Variants in PACRG observed in about 807,000 individuals in gnomAD.
PACRG encodes parkin coregulated, also known as parkin coregulated gene protein.
Under a neutral mutation model 29.7 loss-of-function variants are expected in PACRG, and 29 were observed. The observed-to-expected ratio is 0.98, with a 90% CI of 0.73 to 1.33. The LOEUF (loss-of-function observed/expected upper bound fraction) is 1.33. Among genes scored for constraint, PACRG ranks in the 40% most tolerant of loss-of-function variants. The pLI is 0.00. For synonymous variants in PACRG, 116 were observed against 118.7 expected (o/e 0.98, Z 0.15); for missense variants, 279 against 316.2 (o/e 0.88, Z 0.89).
chr6:162,989,722 C>CTTTT (rs66497763), intron 2 of PACRG, among the ~76,000 whole-genome samples: 1 of 142,040 alleles, frequency 7.0e-6, no homozygotes. Context: ...TCAGTACTTC[C>CTTTT]TTTTTTTTTT....
At chr6:162,935,900 A>G (rs1562752550) in intron 2 of PACRG, among the ~76,000 whole-genome samples, 1 of 152,208 alleles carries the variant, frequency 6.6e-6, no homozygotes, top group Non-Finnish European at 1.5e-5. Flanking sequence ...GCAAAATGAA[A>G]CATACTTCAA....
At chr6:163,247,951 G>C (rs1405133609) in intron 4 of PACRG, among the ~76,000 whole-genome samples, 1 of 152,114 alleles carries the variant, frequency 6.6e-6, no homozygotes, top group Non-Finnish European at 1.5e-5. Flanking sequence ...ACATTGGCAC[G>C]GTAGAGACAC....
intron 2 of PACRG, among the ~76,000 whole-genome samples, chr6:162,997,131 C>T (rs1321961442): frequency 1.3e-5 from 2 of 152,146 alleles, no homozygotes. Flanking sequence ...AAAGATAAAA[C>T]TTGACATTAA....
chr6:162,956,031 T>G (rs1196491052), intron 2 of PACRG, among the ~76,000 whole-genome samples: 2 of 152,214 alleles, frequency 1.3e-5, no homozygotes, highest in Admixed American at 6.5e-5. Context: ...GCTTTTCTCC[T>G]GCTGTTTTCT....
At chr6:163,178,739 T>A (rs1417477170) in intron 4 of PACRG, among the ~76,000 whole-genome samples, 2 of 152,176 alleles carry the variant, frequency 1.3e-5, no homozygotes, top group African/African-American at 4.8e-5. Flanking sequence ...GGCTCCCCGG[T>A]GGCTGCCATC....
chr6:162,926,465 C>G (rs1437498732), intron 2 of PACRG, among the ~76,000 whole-genome samples: 1 of 152,016 alleles, frequency 6.6e-6, no homozygotes, highest in Non-Finnish European at 1.5e-5. Context: ...GCATAGACCA[C>G]TGAAACAGAA....
chr6:163,221,975 G>C (rs796460613), intron 4 of PACRG, among the ~76,000 whole-genome samples: 1 of 152,196 alleles, frequency 6.6e-6, no homozygotes, highest in South Asian at 2.1e-4. Context: ...ATACAGACAG[G>C]CTGCACCCTG....
At chr6:162,817,390 G>A (rs763503598) in intron 2 of PACRG, among the ~76,000 whole-genome samples, 2 of 152,168 alleles carry the variant, frequency 1.3e-5, no homozygotes, top group South Asian at 2.1e-4. Context: ...CTCAGCCCAC[G>A]CCCTGCTCTC....
intron 2 of PACRG, among the ~76,000 whole-genome samples, chr6:162,827,756 C>T (rs1041134448): frequency 6.6e-6 from 1 of 152,078 alleles, no homozygotes. Flanking sequence ...CCATGCTGGC[C>T]TCTCTTGAAT....
intron 2 of PACRG, among the ~76,000 whole-genome samples, chr6:162,986,037 C>G (rs188758206): frequency 6.6e-6 from 1 of 152,178 alleles, no homozygotes; most frequent in Admixed American, 6.5e-5. Context: ...AGGAAAACTA[C>G]AAAACACTGC....
rs116422764 is a variant in PACRG, at chr6:163,256,477, G to A, written c.614-58350G>A. ...TGAAGAAAAATAAAACAAAGAAGGG[G>A]AATAGAAAATTCCAGCCAGGTGGTG... is the stretch of plus-strand genomic sequence containing the variant. On this transcript the variant is annotated intron_variant, in intron 4 of 4. Coordinates refer to ENST00000366888, the MANE Select transcript of PACRG (RefSeq NM_001080379.2). Among the ~76,000 whole-genome samples the A allele has an allele frequency of 7.3e-3, 1,114 of 152,280 alleles. 11 individuals carry two copies. Among genetic ancestry groups the A allele is most frequent in the African/African-American group, 0.026 (1,070 of 41,540 alleles).
intron 2 of PACRG, among the ~76,000 whole-genome samples, chr6:162,958,282 T>A (rs1216324418): frequency 2.0e-5 from 3 of 152,140 alleles, no homozygotes; most frequent in Non-Finnish European, 2.9e-5. Context: ...TTTCAAATAT[T>A]CATATTCTAT....
At chr6:163,148,414 T>C (rs573197579) in intron 4 of PACRG, among the ~76,000 whole-genome samples, 4 of 152,356 alleles carry the variant, frequency 2.6e-5, no homozygotes, top group African/African-American at 9.6e-5. Flanking sequence ...GAGCCTGTTA[T>C]AATGTGTGCA....
intron 4 of PACRG, among the ~76,000 whole-genome samples, chr6:163,222,933 T>G (rs986190826): frequency 6.6e-6 from 1 of 152,294 alleles, no homozygotes; most frequent in Non-Finnish European, 1.5e-5. Flanking sequence ...GTAGAGAAAG[T>G]TAATGATTAT....
At chr6:163,180,903 G>A (rs749874717) in intron 4 of PACRG, among the ~76,000 whole-genome samples, 3 of 152,176 alleles carry the variant, frequency 2.0e-5, no homozygotes, top group African/African-American at 4.8e-5. Flanking sequence ...CCCGCTTGGC[G>A]TTTTCATTCT....
intron 4 of PACRG, among the ~76,000 whole-genome samples, chr6:163,164,529 G>C (rs73012834): frequency 6.6e-6 from 1 of 152,160 alleles, no homozygotes; most frequent in Non-Finnish European, 1.5e-5. Context: ...CTCTTCCCTC[G>C]CTTGAGTTAA....
At chr6:163,262,845 T>C (rs576290248) in intron 4 of PACRG, among the ~76,000 whole-genome samples, 1 of 149,446 alleles carries the variant, frequency 6.7e-6, no homozygotes, top group East Asian at 2.0e-4. Flanking sequence ...AGTTCAAGAC[T>C]AGCCTGGGCA....
At chr6:163,189,132 A>T (rs572551400) in intron 4 of PACRG, among the ~76,000 whole-genome samples, 7 of 152,372 alleles carry the variant, frequency 4.6e-5, no homozygotes, top group African/African-American at 1.7e-4. Context: ...TGGAAATTAC[A>T]ATTCATGTAT....
intron 1 of PACRG, among the ~76,000 whole-genome samples, chr6:162,743,518 T>C (rs933204688): frequency 2.0e-5 from 3 of 152,174 alleles, no homozygotes; most frequent in Non-Finnish European, 4.4e-5. Flanking sequence ...GTTTTTTCCT[T>C]GATTGGATTT....
Sources: gnomAD v4.1 joint callset for allele counts (sites outside exome capture counted in the v4.1 genomes callset) on GRCh38, gnomAD v4.1.1 for gene constraint, MANE v1.5 for transcripts, NCBI Gene and HGNC (gene_info 2026-07-23, HGNC 2026-07-21) for gene names.